APP: variants seen among roughly 807,000 people sequenced by gnomAD.
APP encodes amyloid-beta precursor protein.
In APP, 31 loss-of-function variants were observed where a neutral mutation model predicts 101.4. The observed-to-expected ratio is 0.31, with a 90% CI of 0.23 to 0.41. APP has a LOEUF of 0.41. Among genes scored for constraint, APP ranks in the 10% least tolerant of loss-of-function variants. The pLI, the probability that APP is intolerant of heterozygous loss-of-function variation, is 1.00. For synonymous variants in APP, 366 were observed against 364.4 expected, an observed-to-expected ratio of 1.00 and a Z score of -0.05; for missense variants, 839 against 1,003.7, an observed-to-expected ratio of 0.84 and a Z score of 2.22.
At chr21:25,981,722 T>G (rs373449067) in intron 9 of APP, among the ~76,000 whole-genome samples, 218 of 117,414 alleles carry the variant, frequency 1.9e-3, no homozygotes, top group African/African-American at 5.7e-3. Flanking sequence ...TTTTTTTTTT[T>G]TTTTTTTTTT....
At chr21:26,055,956 TGAC>T (rs2046024757) in intron 3 of APP, among the ~76,000 whole-genome samples, 1 of 152,228 alleles carries the variant, frequency 6.6e-6, no homozygotes, top group South Asian at 2.1e-4. Flanking sequence ...GTCAATCTGC[TGAC>T]GACTAGATTA....
chr21:25,884,748 T>C (rs1020071730), intron 17 of APP, among the ~76,000 whole-genome samples: 4 of 152,212 alleles, frequency 2.6e-5, no homozygotes, highest in African/African-American at 7.2e-5. Context: ...ATGTTTCTGA[T>C]TGTAGAAAAA....
Position 25,973,045 on chromosome 21 carries a change from C to T in APP, c.1458+2025G>A, listed in dbSNP as rs2042092392. Among the ~76,000 whole-genome samples the T allele has an allele frequency of 2.6e-5, 4 of 151,690 alleles. No individual in the cohort carries two copies. The South Asian group carries it at 8.3e-4, about 31-fold the overall frequency. ...AAGCCTAAAGCAACCAGTAAAATAA[C>T]AAACTAGTTATAACTTATAAACCCA... On this transcript the variant is annotated intron_variant, in intron 11 of 17. Coordinates refer to ENST00000346798, the MANE Select transcript of APP (RefSeq NM_000484.4).
At chr21:25,953,259 A>G (rs188407367) in intron 13 of APP, among the ~76,000 whole-genome samples, 1 of 152,318 alleles carries the variant, frequency 6.6e-6, no homozygotes, top group Admixed American at 6.5e-5. Context: ...AGCTCAAAGT[A>G]TAATTTCAGA....
intron 6 of APP, among the ~76,000 whole-genome samples, chr21:26,000,522 ACTT>A (rs765751435): frequency 4.6e-5 from 7 of 152,222 alleles, no homozygotes; most frequent in Admixed American, 6.5e-5. Flanking sequence ...TAAAAAATAA[ACTT>A]CTCTTTTTAA....
chr21:25,954,518 A>G, intron 13 of APP, 72 bp downstream of exon 13: 17 of 1,232,670 alleles, frequency 1.4e-5, no homozygotes, highest in Non-Finnish European at 1.8e-5. Flanking sequence ...CAAACAGATA[A>G]CTCACTTCCT....
chr21:25,950,374 T>G (rs893754338), intron 13 of APP, among the ~76,000 whole-genome samples: 1 of 148,070 alleles, frequency 6.8e-6, no homozygotes, highest in Non-Finnish European at 1.5e-5. Context: ...AGCAGCTTTT[T>G]TTTTTTCTTT....
intron 1 of APP, among the ~76,000 whole-genome samples, chr21:26,126,001 T>C (rs1015175771): frequency 1.3e-5 from 2 of 152,212 alleles, no homozygotes; most frequent in Non-Finnish European, 2.9e-5. Flanking sequence ...GAATAAGCCC[T>C]AAAACACAGA....
In APP at chr21:26,051,231, A is replaced by T. The variant is rs41276550; in HGVS notation, c.469-38T>A. The T allele has an allele frequency of 7.1e-3, 11,257 of 1,575,550 alleles. 48 individuals carry two copies. Among genetic ancestry groups the T allele is most frequent in the Non-Finnish European group, 8.7e-3 (9,990 of 1,151,100 alleles). ...AGGAGAAAACAGTGAGTGGTAGAGT[A>T]GATGTGTTTCATTGTAAGAAAACTC... On this transcript the variant is annotated intron_variant, in intron 4 of 17. Transcript: ENST00000346798.
rs36052312 is a variant in APP at position 26,009,595 on chromosome 21, C to CTT, written c.866-9415_866-9414dup. The CTT allele has an allele frequency of 4.6e-3, 652 of 142,280 alleles. 5 individuals carry two copies. The highest frequency in any genetic ancestry group is 5.6e-3 in the Non-Finnish European group (366 of 65,880). 8.8% of individuals were successfully genotyped at this position (142,280 alleles called of 1,614,324 possible). On this transcript the variant is annotated intron_variant, in intron 6 of 17. Transcript: ENST00000346798. ...ATATACTTCCTTTTTCTTTTCTTTT[C>CTT]TTTTTTTTTTTTTGAGACGAATCTC...
chr21:26,038,743 G>A (rs566652862), intron 5 of APP, among the ~76,000 whole-genome samples: 144 of 152,208 alleles, frequency 9.5e-4, no homozygotes, highest in African/African-American at 3.1e-3. Flanking sequence ...CAGTCTGGGC[G>A]ACAGAGTCTT....
intron 13 of APP, chr21:25,928,925 T>G (rs1369667292): frequency 6.6e-6 from 1 of 152,142 alleles, no homozygotes; most frequent in Non-Finnish European, 1.5e-5. Flanking sequence ...TTTCACCATG[T>G]TGGCCGGGAT....
intron 5 of APP, among the ~76,000 whole-genome samples, chr21:26,034,794 G>C (rs1214056292): frequency 6.6e-6 from 1 of 152,148 alleles, no homozygotes; most frequent in Admixed American, 6.5e-5. Flanking sequence ...GCTAGTGGCT[G>C]CTAAGTGTCT....
intron 17 of APP, among the ~76,000 whole-genome samples, chr21:25,887,914 A>G (rs1193998027): frequency 6.6e-6 from 1 of 152,174 alleles, no homozygotes; most frequent in Non-Finnish European, 1.5e-5. Context: ...CTCCAGTGTG[A>G]AGTGGTATGT....
chr21:26,089,831 G>A, intron 3 of APP, 112 bp downstream of exon 3: 1 of 1,491,730 alleles, frequency 6.7e-7, no homozygotes. Flanking sequence ...AACACAGAGT[G>A]GCAATGTGCT....
At chr21:26,025,750 A>G (rs1022447560) in intron 5 of APP, among the ~76,000 whole-genome samples, 4 of 152,250 alleles carry the variant, frequency 2.6e-5, no homozygotes, top group African/African-American at 9.6e-5. Context: ...GAGACACGTA[A>G]TAAATAGTTC....
Position 26,126,615 on chromosome 21 carries a change from C to A in APP, c.58-14469G>T, listed in dbSNP as rs183210707. ...TTCTTGGCAAAGATGATTGTCACGA[C>A]TTGGGTGGTGCTACTGGCATCTATC... On this transcript the variant is annotated intron_variant, in intron 1 of 17. Coordinates refer to ENST00000346798, the MANE Select transcript of APP (RefSeq NM_000484.4). Among the ~76,000 whole-genome samples, 3 of 152,082 alleles carry A rather than the reference C, an allele frequency of 2.0e-5. No homozygotes were observed. In the East Asian group the frequency reaches 5.8e-4, roughly 29 times the overall value.
In APP at chr21:26,024,220, C is replaced by T. The variant is rs1483220363; in HGVS notation, c.663-2178G>A. On this transcript the variant is annotated intron_variant, in intron 5 of 17. Coordinates refer to ENST00000346798, the MANE Select transcript of APP (RefSeq NM_000484.4). ...ACCTAGATGTGGCAGGGGGTTTCAACCTTTCTGGGGCAACTACCACAGGTC... is the reference window on the plus strand; with the variant it reads ...ACCTAGATGTGGCAGGGGGTTTCAATCTTTCTGGGGCAACTACCACAGGTC... 2.6e-5 allele frequency among the ~76,000 whole-genome samples: 4 copies of T among 152,084 alleles called. No individual in the cohort carries two copies. The South Asian group carries it at 8.3e-4, about 32-fold the overall frequency.
At chr21:25,941,151 C>T (rs904581581) in intron 13 of APP, among the ~76,000 whole-genome samples, 2 of 152,138 alleles carry the variant, frequency 1.3e-5, no homozygotes, top group African/African-American at 4.8e-5. Context: ...TAATGTTAGA[C>T]ACATGTAATA....
Sources: allele counts gnomAD v4.1 joint callset (sites outside exome capture counted in the v4.1 genomes callset), GRCh38; gene constraint gnomAD v4.1.1; transcripts MANE v1.5; gene names NCBI Gene and HGNC (gene_info 2026-07-23, HGNC 2026-07-21).